The following LARGE1 variants were observed in gnomAD, a reference collection of about 807,000 sequenced individuals.
LARGE1 encodes xylosyl- and glucuronyltransferase LARGE1.
In LARGE1, 43 loss-of-function variants were observed where a neutral mutation model predicts 87.6. The observed-to-expected ratio is 0.49, with a 90% CI of 0.38 to 0.63. The LOEUF (loss-of-function observed/expected upper bound fraction) is 0.63. Among genes scored for constraint, LARGE1 ranks in the 30% least tolerant of loss-of-function variants. The pLI is 0.00. For synonymous variants in LARGE1, 434 were observed against 394.6 expected (o/e 1.10, Z -1.18); for missense variants, 802 against 1,000.2 (o/e 0.80, Z 2.67).
intron 11 of LARGE1, among the ~76,000 whole-genome samples, chr22:33,315,140 C>T (rs1569045622): frequency 6.6e-6 from 1 of 152,090 alleles, no homozygotes; most frequent in South Asian, 2.1e-4. Flanking sequence ...ACCCGGGAGG[C>T]GTGTATTGCT....
the LARGE1 span, among the ~76,000 whole-genome samples, chr22:33,133,828 C>T: frequency 2.9e-5 from 2 of 69,416 alleles, no homozygotes; most frequent in Non-Finnish European, 6.8e-5. Context: ...TTTCCACAAC[C>T]TCTCTCTCCA....
At chr22:33,784,719 A>G (rs895623798) in intron 1 of LARGE1, among the ~76,000 whole-genome samples, 2 of 152,068 alleles carry the variant, frequency 1.3e-5, no homozygotes, top group African/African-American at 2.4e-5. Context: ...ATTTATATAC[A>G]CACATACAGA....
At chr22:33,496,558 C>T (rs934739331) in intron 6 of LARGE1, among the ~76,000 whole-genome samples, 2 of 152,116 alleles carry the variant, frequency 1.3e-5, no homozygotes, top group African/African-American at 4.8e-5. Flanking sequence ...TTGAACTTCC[C>T]AGCCTCCAGA....
At chr22:33,313,949 T>G (rs1216587600) in intron 11 of LARGE1, among the ~76,000 whole-genome samples, 1 of 152,206 alleles carries the variant, frequency 6.6e-6, no homozygotes, top group South Asian at 2.1e-4. Context: ...AGAAAACGAA[T>G]GGGGTGCCTG....
chr22:33,884,940 T>C (rs1299189938), intron 1 of LARGE1, among the ~76,000 whole-genome samples: 2 of 152,278 alleles, frequency 1.3e-5, no homozygotes, highest in South Asian at 2.1e-4. Context: ...TGTGAGGCTT[T>C]CCATGGGGGG....
intron 4 of LARGE1, among the ~76,000 whole-genome samples, chr22:33,611,005 T>G (rs746003190): frequency 2.6e-5 from 4 of 152,060 alleles, no homozygotes; most frequent in South Asian, 2.1e-4. Flanking sequence ...AGTGCAAGAG[T>G]GAAGGAGGCT....
intron 1 of LARGE1, among the ~76,000 whole-genome samples, chr22:33,879,075 C>A (rs780931925): frequency 7.2e-5 from 11 of 151,824 alleles, no homozygotes; most frequent in Non-Finnish European, 1.3e-4. Context: ...TGGGTTCAAG[C>A]GATTCTCCTG....
intron 6 of LARGE1, among the ~76,000 whole-genome samples, chr22:33,542,338 A>AC (rs1163600558): frequency 6.6e-6 from 1 of 151,666 alleles, no homozygotes; most frequent in Non-Finnish European, 1.5e-5. Context: ...TCTCATGGGA[A>AC]CCCTGTTTGG....
intron 1 of LARGE1, among the ~76,000 whole-genome samples, chr22:33,780,350 G>C (rs886891569): frequency 3.9e-5 from 6 of 152,170 alleles, no homozygotes; most frequent in African/African-American, 1.4e-4. Flanking sequence ...TCGAGTAAAA[G>C]ACACAAGTAA....
At chr22:33,248,050 G>A (rs747514315) in intron 11 of LARGE1, among the ~76,000 whole-genome samples, 5 of 152,156 alleles carry the variant, frequency 3.3e-5, no homozygotes, top group Non-Finnish European at 7.3e-5. Flanking sequence ...CCTCATAACT[G>A]AGGTTTGACT....
intron 7 of LARGE1, among the ~76,000 whole-genome samples, chr22:33,394,449 C>T (rs1056022882): frequency 4.6e-5 from 7 of 152,126 alleles, no homozygotes; most frequent in South Asian, 2.1e-4. Flanking sequence ...CCGCATGCCT[C>T]GGCCTCCCGA....
chr22:33,464,883 G>GCA (rs59812925), intron 6 of LARGE1, among the ~76,000 whole-genome samples: 28 of 127,062 alleles, frequency 2.2e-4, no homozygotes, highest in African/African-American at 5.7e-4. Flanking sequence ...GCACACACAT[G>GCA]CACACACATA....
At chr22:33,130,676 C>T in the LARGE1 span, among the ~76,000 whole-genome samples, 2 of 152,030 alleles carry the variant, frequency 1.3e-5, no homozygotes, top group African/African-American at 4.8e-5. Flanking sequence ...AAATACTCAG[C>T]GAAATCAAAG....
chr22:33,464,226 T>C (rs555328486), intron 6 of LARGE1, among the ~76,000 whole-genome samples: 7 of 152,268 alleles, frequency 4.6e-5, no homozygotes, highest in African/African-American at 1.7e-4. Flanking sequence ...ACAAAAAGTA[T>C]TCAATCCCAT....
chr22:33,595,575 T>C (rs897556337), intron 5 of LARGE1, among the ~76,000 whole-genome samples: 1 of 152,220 alleles, frequency 6.6e-6, no homozygotes, highest in African/African-American at 2.4e-5. Context: ...AACTGTCACC[T>C]AGGCTCCATA....
At chr22:33,311,251 C>G (rs567990367) in intron 11 of LARGE1, among the ~76,000 whole-genome samples, 31 of 152,256 alleles carry the variant, frequency 2.0e-4, no homozygotes, top group African/African-American at 7.0e-4. Flanking sequence ...TGAGCCACCG[C>G]GCCCGGCCCC....
intron 2 of LARGE1, among the ~76,000 whole-genome samples, chr22:33,655,395 C>A (rs1176562552): frequency 6.6e-6 from 1 of 152,190 alleles, no homozygotes; most frequent in Non-Finnish European, 1.5e-5. Flanking sequence ...ATCACCAGAT[C>A]TTCCTGGGTC....
intron 1 of LARGE1, among the ~76,000 whole-genome samples, chr22:33,773,897 G>C (rs2085149729): frequency 6.6e-6 from 1 of 152,182 alleles, no homozygotes; most frequent in South Asian, 2.1e-4. Flanking sequence ...ATTGACTATA[G>C]CTGTTCGACC....
At chr22:33,089,330 C>CT in the LARGE1 span, among the ~76,000 whole-genome samples, 9 of 64,234 alleles carry the variant, frequency 1.4e-4, no homozygotes, top group South Asian at 1.4e-3. Flanking sequence ...CTTTCTTCTT[C>CT]TTCTTCTTCT....
Sources: allele counts gnomAD v4.1 joint callset (sites outside exome capture counted in the v4.1 genomes callset), GRCh38; gene constraint gnomAD v4.1.1; transcripts MANE v1.5; gene names NCBI Gene and HGNC (gene_info 2026-07-23, HGNC 2026-07-21).